RSRC1: variants seen among roughly 807,000 people sequenced by gnomAD.
The protein encoded by RSRC1 is serine/Arginine-related protein 53.
Under a neutral mutation model 49.1 loss-of-function variants are expected in RSRC1, and 39 were observed. That is an observed-to-expected ratio of 0.79 (90% confidence interval 0.61 to 1.04). The LOEUF is 1.04. Among genes scored for constraint, RSRC1 ranks in the 50% least tolerant of loss-of-function variants. RSRC1 has a pLI of 0.00. For missense variants in RSRC1, 388 were observed against 402.4 expected, an observed-to-expected ratio of 0.96 and a Z score of 0.31; for synonymous variants, 143 against 130.8, an observed-to-expected ratio of 1.09 and a Z score of -0.63.
At chr3:158,543,172 T>G (rs1312138349) in intron 8 of RSRC1, among the ~76,000 whole-genome samples, 163 bp from the exon 9 acceptor site, 1 of 152,152 alleles carries the variant, frequency 6.6e-6, no homozygotes, top group Non-Finnish European at 1.5e-5. Context: ...ATAAAATAAC[T>G]GTATTTCTAA....
At chr3:158,381,221 T>C (rs1732679485) in intron 6 of RSRC1, among the ~76,000 whole-genome samples, 1 of 152,198 alleles carries the variant, frequency 6.6e-6, no homozygotes, top group African/African-American at 2.4e-5. Flanking sequence ...GGGAAACAGA[T>C]GTAAAGATGC....
intron 7 of RSRC1, among the ~76,000 whole-genome samples, chr3:158,479,087 A>T (rs980098208): frequency 4.0e-5 from 6 of 151,072 alleles, no homozygotes; most frequent in African/African-American, 1.5e-4. Flanking sequence ...TAGATTTTTT[A>T]AATCAATTGG....
chr3:158,460,176 A>AT (rs1314480727), intron 6 of RSRC1, among the ~76,000 whole-genome samples: 2 of 151,906 alleles, frequency 1.3e-5, no homozygotes, highest in African/African-American at 2.4e-5. Flanking sequence ...TTAGAGACTT[A>AT]TTTTCACTTA....
chr3:158,490,779 T>G (rs141884564), intron 7 of RSRC1, among the ~76,000 whole-genome samples: 1,984 of 152,326 alleles, frequency 0.013, 27 homozygotes, highest in Non-Finnish European at 0.019. Context: ...GATGCTAATC[T>G]TAATCTGCTG....
chr3:158,253,358 T>C (rs1446455478), intron 4 of RSRC1, among the ~76,000 whole-genome samples: 1 of 152,180 alleles, frequency 6.6e-6, no homozygotes, highest in African/African-American at 2.4e-5. Context: ...TATCATCTAA[T>C]TTCCATGGTT....
intron 6 of RSRC1, among the ~76,000 whole-genome samples, chr3:158,421,879 A>G (rs1429689554): frequency 1.3e-5 from 2 of 151,844 alleles, no homozygotes; most frequent in Non-Finnish European, 2.9e-5. Context: ...AGAAAAATTC[A>G]TAGCTAAGTA....
chr3:158,133,487 C>A (rs1023577236), intron 3 of RSRC1, among the ~76,000 whole-genome samples: 10 of 152,254 alleles, frequency 6.6e-5, no homozygotes, highest in African/African-American at 1.9e-4. Flanking sequence ...TTCAGTGAAA[C>A]AACCAAGATT....
chr3:158,315,860 T>G (rs1482555256), intron 5 of RSRC1, among the ~76,000 whole-genome samples: 1 of 152,152 alleles, frequency 6.6e-6, no homozygotes, highest in African/African-American at 2.4e-5. Context: ...TTTAGTTACA[T>G]TAATAATGCA....
intron 4 of RSRC1, among the ~76,000 whole-genome samples, chr3:158,208,950 T>A (rs1412583172): frequency 6.9e-6 from 1 of 145,860 alleles, no homozygotes; most frequent in Non-Finnish European, 1.5e-5. Context: ...TAACATATAG[T>A]TGACTGGTAT....
At chr3:158,255,681 T>C (rs542350119) in intron 4 of RSRC1, among the ~76,000 whole-genome samples, 1 of 152,308 alleles carries the variant, frequency 6.6e-6, no homozygotes, top group East Asian at 1.9e-4. Flanking sequence ...ATTCTTCCTG[T>C]CCATGAGCAT....
Position 158,351,915 on chromosome 3 carries a change from T to TTA in RSRC1, c.532-2931_532-2930dup, listed in dbSNP as rs971459933. On this transcript the variant is annotated intron_variant, in intron 5 of 9. Transcript: ENST00000611884. ...TATATAATATATAATTATATAAATA[T>TTA]TATATATATATAAATATATATAATA... 1.3e-4 allele frequency among the ~76,000 whole-genome samples: 19 copies of TTA among 143,824 alleles called. No individual in the cohort carries two copies. In the East Asian group the frequency reaches 2.5e-3, roughly 19 times the overall value. The allele number at this position is 143,824 out of a possible 152,430, so 94.4% of individuals were successfully genotyped here.
chr3:158,536,530 T>C (rs1375516467), intron 7 of RSRC1, among the ~76,000 whole-genome samples: 3 of 151,504 alleles, frequency 2.0e-5, no homozygotes, highest in Admixed American at 2.0e-4. Context: ...TGTAATCAAA[T>C]TAAGGAATTA....
intron 3 of RSRC1, among the ~76,000 whole-genome samples, chr3:158,192,474 C>T (rs574085147): frequency 6.6e-6 from 1 of 152,084 alleles, no homozygotes; most frequent in East Asian, 1.9e-4. Context: ...TTGGAGATAA[C>T]TGAGCTTGCT....
intron 3 of RSRC1, among the ~76,000 whole-genome samples, chr3:158,189,255 A>C (rs1559935035): frequency 6.6e-6 from 1 of 151,878 alleles, no homozygotes; most frequent in Non-Finnish European, 1.5e-5. Flanking sequence ...TATTTTAGAA[A>C]ATATTATAGG....
chr3:158,528,868 A>G (rs1712206880), intron 7 of RSRC1, among the ~76,000 whole-genome samples: 1 of 151,966 alleles, frequency 6.6e-6, no homozygotes, highest in African/African-American at 2.4e-5. Flanking sequence ...ATAAGGCAGT[A>G]GTCTATATTT....
intron 6 of RSRC1, among the ~76,000 whole-genome samples, chr3:158,379,852 G>A (rs1010812851): frequency 1.6e-5 from 2 of 121,224 alleles, no homozygotes; most frequent in Non-Finnish European, 3.8e-5. Context: ...CCTCCCTCTT[G>A]TCCCATTTGC....
At chr3:158,397,915 T>C (rs1440717243) in intron 6 of RSRC1, among the ~76,000 whole-genome samples, 1 of 152,048 alleles carries the variant, frequency 6.6e-6, no homozygotes, top group African/African-American at 2.4e-5. Context: ...GTGAAGATTT[T>C]TAGAGAGGGT....
At chr3:158,225,746 A>AT (rs1559950508) in intron 4 of RSRC1, 1 of 438,988 alleles carries the variant, frequency 2.3e-6, no homozygotes, top group East Asian at 7.0e-5. Flanking sequence ...GAGTAAACCT[A>AT]TACAAGCCCT....
intron 6 of RSRC1, among the ~76,000 whole-genome samples, chr3:158,403,716 T>C (rs1042148745): frequency 6.6e-6 from 1 of 151,794 alleles, no homozygotes; most frequent in Admixed American, 6.6e-5. Context: ...AAATGGAAGT[T>C]ATTTTTACTA....
Sources: allele counts gnomAD v4.1 joint callset (sites outside exome capture counted in the v4.1 genomes callset), GRCh38; gene constraint gnomAD v4.1.1; transcripts MANE v1.5; gene names NCBI Gene and HGNC (gene_info 2026-07-23, HGNC 2026-07-21).